The following RNF111 variants were observed in gnomAD, a reference collection of about 807,000 sequenced individuals.
RNF111 encodes the protein ring finger protein 111, also known as E3 ubiquitin-protein ligase Arkadia.
RNF111 carries 17 observed loss-of-function variants against 95.1 expected under a neutral mutation model. That is an observed-to-expected ratio of 0.18 (90% CI 0.12 to 0.27). The LOEUF (loss-of-function observed/expected upper bound fraction) is 0.27. Among genes scored for constraint, RNF111 ranks in the 10% least tolerant of loss-of-function variants. The pLI is 1.00. For missense variants in RNF111, 1,189 were observed against 1,210.4 expected, an observed-to-expected ratio of 0.98 and a Z score of 0.26; for synonymous variants, 440 against 414.8, an observed-to-expected ratio of 1.06 and a Z score of -0.74.
Position 59,031,080 on chromosome 15 carries a change from A to G in RNF111, c.258A>G (p.Glu86=). The change falls in exon 2 of 14, where the codon GAA becomes GAG. Residue 86 remains glutamate, a synonymous_variant. Transcript: ENST00000348370. The part of the protein sequence containing the change: ...KEMNGNQQEQ[E]KSLVVRKKRK... ...TGAATGGTAACCAGCAAGAACAAGAAAAAAGTCTCGTTGTGAGGAAAAAAC... is the reference window on the plus strand; with the variant it reads ...TGAATGGTAACCAGCAAGAACAAGAGAAAAGTCTCGTTGTGAGGAAAAAAC... 2 of 1,614,278 alleles carry G rather than the reference A, an allele frequency of 1.2e-6. No homozygotes were observed. The highest frequency in any genetic ancestry group is 1.7e-6 in the Non-Finnish European group (2 of 1,180,050).
rs1345628298 is a variant in RNF111 at position 59,030,883 on chromosome 15, G to C, written c.61G>C (p.Glu21Gln). The stretch of plus-strand genomic sequence containing the variant: ...CACCTTAAAAGTGGATATGAAGAGT[G>C]AGATTCCTTCTGATGCACCAAAGAC... The part of the protein sequence containing the change: ...LYTLKVDMKS[E>Q]IPSDAPKTQE... The change falls in exon 2 of 14, where the codon GAG becomes CAG. Residue 21 changes from glutamate to glutamine, a missense_variant. Glu to Gln is a conservative substitution (Grantham distance 29, BLOSUM62 2). Around this residue, in one of 2 missense-constraint regions of RNF111, gnomAD observed 1,024 missense variants for 925.9 expected, o/e 1.11. Transcript: ENST00000348370. 3.1e-6 allele frequency: 5 copies of C among 1,613,998 alleles called. No individual in the cohort carries two copies.
chr15:59,036,376 T>C (rs572170570), intron 2 of RNF111, among the ~76,000 whole-genome samples: 52 of 152,202 alleles, frequency 3.4e-4, no homozygotes, highest in African/African-American at 1.2e-3. Flanking sequence ...TGGTAACTTA[T>C]AAAGGAAAGA....
At chr15:59,051,769 CTCAATAAATAAATAAA>C (rs2141961661) in intron 2 of RNF111, among the ~76,000 whole-genome samples, 1 of 142,180 alleles carries the variant, frequency 7.0e-6, no homozygotes, top group East Asian at 2.0e-4. Context: ...GAGAAACTGT[CTCAATAAATAAATAAA>C]TAAATAAATA....
chr15:59,084,932 A>C (rs1049554995), intron 9 of RNF111, among the ~76,000 whole-genome samples: 1 of 152,082 alleles, frequency 6.6e-6, no homozygotes, highest in Non-Finnish European at 1.5e-5. Flanking sequence ...TACTTTTCAC[A>C]TCTTCTTTAT....
chr15:59,014,667 CTCTT>C (rs2039984621), intron 1 of RNF111, among the ~76,000 whole-genome samples: 1 of 151,928 alleles, frequency 6.6e-6, no homozygotes, highest in Non-Finnish European at 1.5e-5. Flanking sequence ...AAAATGATCT[CTCTT>C]TGGGTGCAGA....
chr15:59,004,548 C>T (rs550222667), intron 1 of RNF111, among the ~76,000 whole-genome samples: 1 of 152,260 alleles, frequency 6.6e-6, no homozygotes, highest in South Asian at 2.1e-4. Context: ...CATCAGTATG[C>T]AGGATAATGA....
chr15:59,046,423 G>T (rs1376182173), intron 2 of RNF111, among the ~76,000 whole-genome samples: 1 of 152,122 alleles, frequency 6.6e-6, no homozygotes, highest in Non-Finnish European at 1.5e-5. Flanking sequence ...GCACTCCTGG[G>T]CTCAAGTGAT....
intron 1 of RNF111, among the ~76,000 whole-genome samples, chr15:59,005,588 C>G (rs1489886698): frequency 2.0e-5 from 3 of 151,880 alleles, no homozygotes; most frequent in Non-Finnish European, 4.4e-5. Flanking sequence ...GTGTTTTGGT[C>G]TAATCTTCAA....
chr15:59,018,330 G>A (rs79685667), intron 1 of RNF111, among the ~76,000 whole-genome samples: 6,448 of 152,148 alleles, frequency 0.042, 479 homozygotes, highest in African/African-American at 0.15. Flanking sequence ...TGTCATTAAG[G>A]TGTCCAGGAT....
intron 2 of RNF111, among the ~76,000 whole-genome samples, chr15:59,045,531 T>C (rs1333082338): frequency 1.3e-5 from 2 of 152,196 alleles, no homozygotes; most frequent in South Asian, 2.1e-4. Flanking sequence ...AAAGAAATTT[T>C]GTATACAGAT....
intron 5 of RNF111, 24 bp from the exon 6 acceptor site, chr15:59,066,740 C>A: frequency 6.3e-7 from 1 of 1,578,704 alleles, no homozygotes; most frequent in Non-Finnish European, 8.7e-7. Context: ...TTTGATTATT[C>A]TGTGCATTTT....
Position 59,031,637 on chromosome 15 carries a change from AAGG to A in RNF111, c.818_820del (p.Gly273del), listed in dbSNP as rs1376552220. The A allele has an allele frequency of 2.5e-6, 4 of 1,614,058 alleles. No homozygotes were observed. The highest frequency in any genetic ancestry group is 3.4e-6 in the Non-Finnish European group (4 of 1,180,034). ...GAATCCTCTTCTAGCTCATCAACTGAAGGAGAAGAAGATTTGTTTGTTTCTGCC... is the reference window on the plus strand; with the variant it reads ...GAATCCTCTTCTAGCTCATCAACTGAAGAAGAAGATTTGTTTGTTTCTGCC... On this transcript the variant is annotated inframe_deletion, in exon 2 of 14. Coordinates refer to ENST00000348370, the MANE Select transcript of RNF111 (RefSeq NM_017610.8).
intron 1 of RNF111, among the ~76,000 whole-genome samples, chr15:59,002,865 C>T (rs1596044293): frequency 5.3e-5 from 8 of 152,278 alleles, no homozygotes; most frequent in Admixed American, 5.2e-4. Context: ...CCCAGGAATA[C>T]TCTTCCTCTA....
chr15:59,047,092 G>A (rs2041749267), intron 2 of RNF111, among the ~76,000 whole-genome samples: 2 of 151,950 alleles, frequency 1.3e-5, no homozygotes, highest in East Asian at 1.9e-4. Flanking sequence ...CAAAATGCTG[G>A]GATTACAGGC....
At chr15:59,025,066 C>T (rs929426577) in intron 1 of RNF111, among the ~76,000 whole-genome samples, 1 of 152,200 alleles carries the variant, frequency 6.6e-6, no homozygotes, top group Non-Finnish European at 1.5e-5. Context: ...CTATTCATCA[C>T]TTCAGTGGAC....
At chr15:59,063,788 T>A (rs2042538848) in intron 5 of RNF111, among the ~76,000 whole-genome samples, 1 of 152,202 alleles carries the variant, frequency 6.6e-6, no homozygotes, top group East Asian at 1.9e-4. Context: ...TACAAACTCA[T>A]ACCCTGACTT....
intron 5 of RNF111, 132 bp from the exon 6 acceptor site, chr15:59,066,632 A>G (rs911168641): frequency 3.4e-5 from 26 of 761,626 alleles, no homozygotes; most frequent in African/African-American, 2.5e-4. Context: ...ACGTGGCACT[A>G]TCACATTATT....
chr15:59,064,731 A>G (rs1457077044), intron 5 of RNF111, among the ~76,000 whole-genome samples: 3 of 152,008 alleles, frequency 2.0e-5, no homozygotes, highest in East Asian at 1.9e-4. Flanking sequence ...TAGCCCCCAT[A>G]GGCCAGACTA....
intron 1 of RNF111, among the ~76,000 whole-genome samples, chr15:59,010,993 A>T (rs371553034): frequency 1.6e-4 from 24 of 152,272 alleles, no homozygotes; most frequent in African/African-American, 5.5e-4. Context: ...TTTCTCCCTA[A>T]CGGTCATCGT....
Sources: gnomAD v4.1 joint callset for allele counts (sites outside exome capture counted in the v4.1 genomes callset) on GRCh38, gnomAD v4.1.1 for gene constraint, gnomAD v4.1.1 regional missense constraint, MANE v1.5 for transcripts, NCBI Gene and HGNC (gene_info 2026-07-23, HGNC 2026-07-21) for gene names.